Variants in TAB2 observed in about 807,000 individuals in gnomAD.
TAB2 encodes TGF-beta activated kinase 1 (MAP3K7) binding protein 2.
Under a neutral mutation model 65.0 loss-of-function variants are expected in TAB2, and 3 were observed. The ratio of observed to expected loss-of-function variants is 0.05; its 90% CI spans 0.02 to 0.12. TAB2 has a LOEUF of 0.12. TAB2 is among the 10% of genes least tolerant of loss of function. The pLI is 1.00. For synonymous variants in TAB2, 298 were observed against 285.1 expected (o/e 1.05, Z -0.46); for missense variants, 623 against 840.3 (o/e 0.74, Z 3.20).
chr6:149,377,990 C>T (rs750781311), intron 2 of TAB2, 28 bp from the exon 3 acceptor site: 1 of 1,569,372 alleles, frequency 6.4e-7, no homozygotes, highest in Non-Finnish European at 8.8e-7. Flanking sequence ...TGATTGTTAA[C>T]ATCAATCAAT....
chr6:149,377,147 G>A (rs1194939119), intron 2 of TAB2, among the ~76,000 whole-genome samples: 2 of 149,172 alleles, frequency 1.3e-5, no homozygotes, highest in African/African-American at 5.0e-5. Flanking sequence ...TCGGCTCACT[G>A]CAAGCTCCGC....
At chr6:149,342,696 A>T (rs2114782432) in intron 1 of TAB2, 1 of 152,332 alleles carries the variant, frequency 6.6e-6, no homozygotes, top group Middle Eastern at 3.4e-3. Flanking sequence ...CTCCAGACCC[A>T]GTTCCTGGAC....
At chr6:149,304,989 T>C (rs751858797) in intron 1 of TAB2, among the ~76,000 whole-genome samples, 3 of 152,252 alleles carry the variant, frequency 2.0e-5, no homozygotes, top group African/African-American at 4.8e-5. Context: ...TGATTTATGA[T>C]ACCAAATACA....
chr6:149,400,175 A>T (rs1027871483), intron 6 of TAB2: 4 of 577,270 alleles, frequency 6.9e-6, no homozygotes, highest in Non-Finnish European at 1.2e-5. Context: ...GTATGAATGG[A>T]TTTTAAAAAC....
intron 1 of TAB2, among the ~76,000 whole-genome samples, chr6:149,281,959 T>C (rs1208838889): frequency 4.6e-5 from 7 of 152,170 alleles, no homozygotes; most frequent in African/African-American, 1.7e-4. Flanking sequence ...ATATGATCAA[T>C]TACATTTATG....
chr6:149,270,444 C>A (rs1433761595), intron 1 of TAB2, among the ~76,000 whole-genome samples: 3 of 152,060 alleles, frequency 2.0e-5, no homozygotes, highest in African/African-American at 7.2e-5. Flanking sequence ...TATTGTATAG[C>A]ACGATGACTA....
At chr6:149,250,264 A>C (rs1777830776) in intron 1 of TAB2, among the ~76,000 whole-genome samples, 1 of 152,096 alleles carries the variant, frequency 6.6e-6, no homozygotes, top group Admixed American at 6.6e-5. Context: ...GGAAAGTCTA[A>C]AGTCTAAACC....
At chr6:149,338,254 G>A (rs1232783577) in intron 1 of TAB2, among the ~76,000 whole-genome samples, 2 of 152,166 alleles carry the variant, frequency 1.3e-5, no homozygotes, top group Non-Finnish European at 2.9e-5. Context: ...GTTCAACTCA[G>A]ATTTTTGCCA....
At chr6:149,224,948 A>G (rs143463943) in intron 1 of TAB2, among the ~76,000 whole-genome samples, 1 of 152,356 alleles carries the variant, frequency 6.6e-6, no homozygotes, top group South Asian at 2.1e-4. Flanking sequence ...TTCTATGTAT[A>G]TAAAGGATGT....
At chr6:149,327,768 AATGGAAAAATAAGCACAT>A (rs1462726411) in intron 1 of TAB2, among the ~76,000 whole-genome samples, 1 of 152,230 alleles carries the variant, frequency 6.6e-6, no homozygotes, top group African/African-American at 2.4e-5. Context: ...TTTTATAGGA[AATGGAAAAATAAGCACAT>A]GGAAATGGGG....
At chr6:149,409,058 TGGATAA>T (rs1002375062) in intron 6 of TAB2, among the ~76,000 whole-genome samples, 10 of 152,202 alleles carry the variant, frequency 6.6e-5, no homozygotes, top group African/African-American at 2.4e-4. Flanking sequence ...CCAGAGTCTG[TGGATAA>T]GACGTTAGAT....
chr6:149,275,879 A>G (rs1487260960), intron 1 of TAB2, among the ~76,000 whole-genome samples: 1 of 152,232 alleles, frequency 6.6e-6, no homozygotes, highest in African/African-American at 2.4e-5. Flanking sequence ...GTACTCCTCA[A>G]AACTGTCAAG....
intron 1 of TAB2, among the ~76,000 whole-genome samples, chr6:149,301,882 T>C (rs1487854904): frequency 6.6e-6 from 1 of 152,188 alleles, no homozygotes; most frequent in South Asian, 2.1e-4. Context: ...AAGTAAACTT[T>C]GAAAGATTAT....
At chr6:149,357,375 C>T (rs988998771) in intron 1 of TAB2, among the ~76,000 whole-genome samples, 2 of 147,270 alleles carry the variant, frequency 1.4e-5, no homozygotes, top group Non-Finnish European at 3.0e-5. Context: ...AAGATTGTGC[C>T]ACTACACTCC....
At chr6:149,297,692 T>C (rs977518860) in intron 1 of TAB2, among the ~76,000 whole-genome samples, 2 of 151,884 alleles carry the variant, frequency 1.3e-5, no homozygotes, top group East Asian at 1.9e-4. Flanking sequence ...ACTTGGATAA[T>C]TTTTTTTGTT....
chr6:149,353,896 GTATACA>G (rs1006013205), intron 1 of TAB2, among the ~76,000 whole-genome samples: 3 of 152,090 alleles, frequency 2.0e-5, no homozygotes, highest in Non-Finnish European at 2.9e-5. Context: ...ATTTGTGTGT[GTATACA>G]TATGTAAAGA....
At chr6:149,320,624 G>A (rs1250946674) in intron 1 of TAB2, among the ~76,000 whole-genome samples, 3 of 151,924 alleles carry the variant, frequency 2.0e-5, no homozygotes, top group Non-Finnish European at 4.4e-5. Flanking sequence ...TACTCTATGA[G>A]TTACTTGCAA....
At chr6:149,322,509 G>A (rs1009611770) in intron 1 of TAB2, among the ~76,000 whole-genome samples, 3 of 152,124 alleles carry the variant, frequency 2.0e-5, no homozygotes, top group African/African-American at 4.8e-5. Flanking sequence ...TTTATGGCTG[G>A]ATAGAAAATC....
intron 3 of TAB2, among the ~76,000 whole-genome samples, chr6:149,387,567 A>T (rs1781845363): frequency 6.6e-6 from 1 of 152,144 alleles, no homozygotes; most frequent in Non-Finnish European, 1.5e-5. Flanking sequence ...TTTTCAAGAT[A>T]GGCTTGGCTA....
Sources: gnomAD v4.1 joint callset for allele counts (sites outside exome capture counted in the v4.1 genomes callset) on GRCh38, gnomAD v4.1.1 for gene constraint, MANE v1.5 for transcripts, NCBI Gene and HGNC (gene_info 2026-07-23, HGNC 2026-07-21) for gene names.